The following ACTL8 variants were observed in gnomAD, a reference collection of about 807,000 sequenced individuals.
ACTL8 encodes actin like 8.
In ACTL8, 3 loss-of-function variants were observed where a neutral mutation model predicts 9.3. The ratio of observed to expected loss-of-function variants is 0.32; its 90% CI spans 0.15 to 0.83. The LOEUF (loss-of-function observed/expected upper bound fraction) is 0.83, where lower values mean the gene tolerates loss of function less well. Ranked by LOEUF, ACTL8 falls within the 40% of genes least tolerant of loss-of-function variation. The pLI is 0.57. For missense variants in ACTL8, 381 were observed against 492.2 expected (o/e 0.77, Z 2.14); for synonymous variants, 224 against 205.9 (o/e 1.09, Z -0.75).
intron 1 of ACTL8, among the ~76,000 whole-genome samples, chr1:17,758,986 G>A (rs1030687611): frequency 6.6e-6 from 1 of 152,144 alleles, no homozygotes; most frequent in Non-Finnish European, 1.5e-5. Flanking sequence ...AGTCCATGAC[G>A]ACTCCTGGGC....
Position 17,767,379 on chromosome 1 carries a change from G to A in ACTL8, c.-25+11875G>A, listed in dbSNP as rs144061039. Among the ~76,000 whole-genome samples the A allele has an allele frequency of 3.5e-3, 531 of 152,268 alleles. 5 individuals carry two copies. Among genetic ancestry groups the A allele is most frequent in the African/African-American group, 0.012 (502 of 41,558 alleles). The stretch of plus-strand genomic sequence containing the variant: ...TGTGGGGGCCGTCCCTGTGGTACAG[G>A]GGTGAGACGATGCTGGCAACTTAGC... On this transcript the variant is annotated intron_variant, in intron 1 of 2. Transcript: ENST00000375406. The surrounding 1 kb of genome is among the most constrained non-coding windows in gnomAD (Gnocchi z 4.7).
chr1:17,763,124 C>T (rs928349745), intron 1 of ACTL8, among the ~76,000 whole-genome samples: 8 of 152,140 alleles, frequency 5.3e-5, no homozygotes, highest in Admixed American at 3.9e-4. Flanking sequence ...AAGAGCCTGG[C>T]CTGCGGGTCC....
intron 1 of ACTL8, among the ~76,000 whole-genome samples, chr1:17,782,703 C>T (rs116379914): frequency 0.012 from 1,799 of 152,292 alleles, 16 homozygotes; most frequent in Non-Finnish European, 0.018. Context: ...TGTTTTGCAT[C>T]GTTTCCTTCT....
At chr1:17,782,396 G>A (rs905776881) in intron 1 of ACTL8, among the ~76,000 whole-genome samples, 1 of 151,914 alleles carries the variant, frequency 6.6e-6, no homozygotes, top group Non-Finnish European at 1.5e-5. Context: ...TTTGTTAAAC[G>A]CTATAAAGCA....
intron 1 of ACTL8, among the ~76,000 whole-genome samples, chr1:17,758,471 C>G (rs1188692184): frequency 6.6e-6 from 1 of 152,198 alleles, no homozygotes; most frequent in Non-Finnish European, 1.5e-5. Flanking sequence ...TTTCCAGACC[C>G]TAAGTCAATT....
intron 1 of ACTL8, among the ~76,000 whole-genome samples, chr1:17,805,981 T>C (rs749736839): frequency 3.3e-5 from 5 of 152,210 alleles, no homozygotes; most frequent in Non-Finnish European, 7.3e-5. Context: ...ATTTGTGATA[T>C]GTGTCCTGGA....
At chr1:17,784,173 CGAAGGT>C (rs2066177981) in intron 1 of ACTL8, among the ~76,000 whole-genome samples, 1 of 152,068 alleles carries the variant, frequency 6.6e-6, no homozygotes, top group South Asian at 2.1e-4. Flanking sequence ...CAATCATGGC[CGAAGGT>C]GAAGGGGAAG....
intron 1 of ACTL8, among the ~76,000 whole-genome samples, chr1:17,786,298 C>A (rs1303757874): frequency 2.0e-5 from 3 of 152,258 alleles, no homozygotes; most frequent in Non-Finnish European, 4.4e-5. Flanking sequence ...CTCTCACCCA[C>A]CCTCAAGGGG....
Position 17,814,831 on chromosome 1 carries a change from A to T in ACTL8, c.-24-8154A>T, listed in dbSNP as rs184738479. ...TGCCGTACCGGTTTGTAGCATAGCA[A>T]GACTCCATATCTACCAACAAAACAA... is the stretch of plus-strand genomic sequence containing the variant. On this transcript the variant is annotated intron_variant, in intron 1 of 2. Transcript: ENST00000375406. Among the ~76,000 whole-genome samples, 13 of 152,304 alleles carry T rather than the reference A, an allele frequency of 8.5e-5. No individual in the cohort carries two copies. In the East Asian group the frequency reaches 2.5e-3, roughly 29 times the overall value.
At chr1:17,763,271 G>C (rs566218399) in intron 1 of ACTL8, among the ~76,000 whole-genome samples, 2 of 151,242 alleles carry the variant, frequency 1.3e-5, no homozygotes, top group African/African-American at 4.8e-5. Flanking sequence ...TGTGGGGGCT[G>C]TGTTGATGCA....
intron 1 of ACTL8, among the ~76,000 whole-genome samples, chr1:17,762,753 C>T (rs1275605771): frequency 6.6e-6 from 1 of 152,066 alleles, no homozygotes; most frequent in Non-Finnish European, 1.5e-5. Flanking sequence ...GTGGTCTTCT[C>T]CTTGGTGCCC....
intron 1 of ACTL8, among the ~76,000 whole-genome samples, chr1:17,770,782 CT>C: frequency 6.6e-6 from 1 of 152,164 alleles, no homozygotes; most frequent in Non-Finnish European, 1.5e-5. Context: ...CCAAGATGGA[CT>C]GTATAGTCAG....
chr1:17,772,983 A>G (rs2066094148), intron 1 of ACTL8, among the ~76,000 whole-genome samples: 2 of 152,202 alleles, frequency 1.3e-5, no homozygotes, highest in African/African-American at 2.4e-5. Flanking sequence ...CCTCGCTCAC[A>G]GCAGCGAGCT....
intron 1 of ACTL8, among the ~76,000 whole-genome samples, chr1:17,798,741 C>G (rs1457898454): frequency 6.6e-6 from 1 of 152,192 alleles, no homozygotes; most frequent in Admixed American, 6.5e-5. Context: ...TGGCCAAGGA[C>G]CCTCTCTGGT....
intron 1 of ACTL8, among the ~76,000 whole-genome samples, chr1:17,773,100 G>C (rs190909731): frequency 6.6e-6 from 1 of 152,144 alleles, no homozygotes; most frequent in African/African-American, 2.4e-5. Flanking sequence ...GAAGCCCCTC[G>C]AGAAGATAGG....
At chr1:17,812,206 T>G (rs2066397761) in intron 1 of ACTL8, among the ~76,000 whole-genome samples, 1 of 152,072 alleles carries the variant, frequency 6.6e-6, no homozygotes, top group African/African-American at 2.4e-5. Context: ...TCAGATAGTG[T>G]GAGTCTTCCA....
intron 1 of ACTL8, among the ~76,000 whole-genome samples, chr1:17,794,324 T>G (rs1004587754): frequency 6.6e-6 from 1 of 151,958 alleles, no homozygotes; most frequent in Non-Finnish European, 1.5e-5. Context: ...TCCTCATCTA[T>G]AAAATGAGGA....
At chr1:17,771,423 A>G (rs935737534) in intron 1 of ACTL8, among the ~76,000 whole-genome samples, 2 of 152,136 alleles carry the variant, frequency 1.3e-5, no homozygotes, top group African/African-American at 2.4e-5. Context: ...AATAATGCCT[A>G]TTATGTGTTT....
At chr1:17,777,641 T>C (rs2066126957) in intron 1 of ACTL8, among the ~76,000 whole-genome samples, 1 of 152,182 alleles carries the variant, frequency 6.6e-6, no homozygotes, top group Admixed American at 6.5e-5. Context: ...ATTCGTGATG[T>C]CTGCCACCTC....
Sources: allele counts gnomAD v4.1 joint callset (sites outside exome capture counted in the v4.1 genomes callset), GRCh38; gene constraint gnomAD v4.1.1; non-coding constraint Gnocchi (gnomAD v3.1); transcripts MANE v1.5; gene names NCBI Gene and HGNC (gene_info 2026-07-23, HGNC 2026-07-21).